CARMIL1: variants seen among roughly 807,000 people sequenced by gnomAD.
The protein encoded by CARMIL1 is F-actin-uncapping protein LRRC16A.
CARMIL1 carries 90 observed loss-of-function variants against 177.1 expected under a neutral mutation model. The ratio of observed to expected loss-of-function variants is 0.51; its 90% confidence interval spans 0.43 to 0.61. CARMIL1 has a LOEUF of 0.61. Among genes scored for constraint, CARMIL1 ranks in the 20% least tolerant of loss-of-function variants. The probability of loss-of-function intolerance (pLI) is 0.00; values close to 1 mark genes in which losing one functional copy is unlikely to be tolerated. For missense variants in CARMIL1, 1,380 were observed against 1,667.0 expected (o/e 0.83, Z 3.00); for synonymous variants, 577 against 606.2 (o/e 0.95, Z 0.71).
At chr6:25,483,681 C>A (rs375735658) in intron 12 of CARMIL1, among the ~76,000 whole-genome samples, 920 of 89,896 alleles carry the variant, frequency 0.01, no homozygotes, top group East Asian at 0.012. Flanking sequence ...ATCTCTGTCT[C>A]AAAAAAAAAA....
chr6:25,549,179 C>G (rs1809816994), intron 26 of CARMIL1, among the ~76,000 whole-genome samples: 1 of 152,198 alleles, frequency 6.6e-6, no homozygotes, highest in Admixed American at 6.5e-5. Flanking sequence ...ACTCACTTAA[C>G]ATTCCACAGA....
rs1264110362 is a variant in CARMIL1 at position 25,600,752 on chromosome 6, G to A, written c.3552+6G>A. 2.0e-6 allele frequency: 3 copies of A among 1,483,016 alleles called. No individual in the cohort carries two copies. Among genetic ancestry groups the A allele is most frequent in the South Asian group, 2.9e-5 (2 of 69,582 alleles). 91.9% of individuals were successfully genotyped at this position (1,483,016 alleles called of 1,614,324 possible). A position where few individuals can be genotyped will look rare whatever the true frequency, so the allele number is the denominator to read the frequency against. On this transcript the variant is annotated splice_donor_region_variant and intron_variant, in intron 33 of 36. Coordinates refer to ENST00000329474, the MANE Select transcript of CARMIL1 (RefSeq NM_017640.6). ...GAGCTGCGTGTGCGCAGAAGGTAAG[G>A]GTGGACCTATTTTTAATTCATTCAT...
Position 25,339,829 on chromosome 6 carries a change from C to T in CARMIL1, c.138+54920C>T, listed in dbSNP as rs867053980. Among the ~76,000 whole-genome samples, 10 of 152,242 alleles carry T rather than the reference C, an allele frequency of 6.6e-5. No homozygotes were observed. In the Middle Eastern group the frequency reaches 0.01, roughly 155 times the overall value. ...CTGTGTTAAGCCTCAATAACCTGTG[C>T]CATTGGGGCCTTTATAAAGATTAAT... On this transcript the variant is annotated intron_variant, in intron 2 of 36. Transcript: ENST00000329474.
At chr6:25,300,261 C>T (rs1364985880) in intron 2 of CARMIL1, among the ~76,000 whole-genome samples, 2 of 152,034 alleles carry the variant, frequency 1.3e-5, no homozygotes, top group Non-Finnish European at 2.9e-5. Flanking sequence ...ATAACAAATC[C>T]CACCACATAG....
chr6:25,472,652 T>A, intron 11 of CARMIL1, 131 bp downstream of exon 11: 1 of 641,936 alleles, frequency 1.6e-6, no homozygotes, highest in Non-Finnish European at 2.7e-6. Context: ...CCTGTTGGCT[T>A]CCAGTTCTTT....
intron 3 of CARMIL1, among the ~76,000 whole-genome samples, chr6:25,425,393 A>C (rs552991026): frequency 8.5e-5 from 13 of 152,304 alleles, no homozygotes; most frequent in African/African-American, 3.1e-4. Context: ...TGAGATGTTT[A>C]ACTGGAGATT....
intron 29 of CARMIL1, among the ~76,000 whole-genome samples, chr6:25,567,987 C>G (rs2151209750): frequency 6.6e-6 from 1 of 152,288 alleles, no homozygotes; most frequent in East Asian, 1.9e-4. Context: ...AAGATTTCTT[C>G]CATCTCTCAG....
intron 29 of CARMIL1, among the ~76,000 whole-genome samples, chr6:25,557,962 A>G (rs1285451635): frequency 6.6e-6 from 1 of 152,198 alleles, no homozygotes; most frequent in Non-Finnish European, 1.5e-5. Context: ...TAATATCACT[A>G]AATAAGGCTG....
chr6:25,546,500 G>A lies in CARMIL1; in HGVS notation c.2329-4410G>A, dbSNP rs142597037. On this transcript the variant is annotated intron_variant, in intron 26 of 36. Coordinates refer to ENST00000329474, the MANE Select transcript of CARMIL1 (RefSeq NM_017640.6). Reference sequence around the variant, plus strand: ...AGATCTTTTGAGCCAAGGAGTTTGAGACCAGCCTGGACAACACAGTGAGAC... The same window carrying A: ...AGATCTTTTGAGCCAAGGAGTTTGAAACCAGCCTGGACAACACAGTGAGAC... 2.0e-5 allele frequency among the ~76,000 whole-genome samples: 3 copies of A among 151,972 alleles called. No individual in the cohort carries two copies. In the East Asian group the frequency reaches 5.8e-4, roughly 29 times the overall value.
At chr6:25,323,440 A>AGG (rs939758639) in intron 2 of CARMIL1, among the ~76,000 whole-genome samples, 2 of 140,876 alleles carry the variant, frequency 1.4e-5, no homozygotes, top group African/African-American at 5.4e-5. Context: ...AAAAAAAAAA[A>AGG]GGCAAAAAAC....
chr6:25,441,798 T>TCTGTGATG (rs1419645409), intron 5 of CARMIL1, among the ~76,000 whole-genome samples: 2 of 152,186 alleles, frequency 1.3e-5, no homozygotes, highest in African/African-American at 2.4e-5. Flanking sequence ...CTCAGGGTTG[T>TCTGTGATG]CTGTGATGGC....
chr6:25,454,253 CTT>C (rs369821157), intron 8 of CARMIL1, among the ~76,000 whole-genome samples: 15 of 151,778 alleles, frequency 9.9e-5, no homozygotes, highest in African/African-American at 3.1e-4. Context: ...ATTTGGAAAA[CTT>C]TTTTTTTGTC....
At chr6:25,439,421 A>G (rs1356061557) in intron 5 of CARMIL1, among the ~76,000 whole-genome samples, 1 of 152,174 alleles carries the variant, frequency 6.6e-6, no homozygotes, top group Non-Finnish European at 1.5e-5. Context: ...ACCTGGAGAA[A>G]GATGTGTAGA....
chr6:25,442,567 T>C (rs1797874024), intron 5 of CARMIL1, among the ~76,000 whole-genome samples: 1 of 152,046 alleles, frequency 6.6e-6, no homozygotes, highest in Non-Finnish European at 1.5e-5. Flanking sequence ...GAAAACAACT[T>C]CTGTAGAGTG....
chr6:25,459,273 T>TCTTTTCTTTTCTTTTCTTTTCTTCTTTC lies in CARMIL1; in HGVS notation c.615-6600_615-6599insCTTTTCTTTTCTTTTCTTTTCTTCTTTC, dbSNP rs1390647134. Reference sequence around the variant, plus strand: ...TTCTTTCTTTCTTTCTTTCTTTTTTTTTTTTTTAAGACAGGGTCTTGCTGT... The same window carrying TCTTTTCTTTTCTTTTCTTTTCTTCTTTC: ...TTCTTTCTTTCTTTCTTTCTTTTTTTCTTTTCTTTTCTTTTCTTTTCTTCTTTCTTTTTTTAAGACAGGGTCTTGCTGT... On this transcript the variant is annotated intron_variant, in intron 8 of 36. Transcript: ENST00000329474. Among the ~76,000 whole-genome samples, 39 of 132,830 alleles carry TCTTTTCTTTTCTTTTCTTTTCTTCTTTC rather than the reference T, an allele frequency of 2.9e-4. 1 individual carries two copies. Among genetic ancestry groups the TCTTTTCTTTTCTTTTCTTTTCTTCTTTC allele is most frequent in the African/African-American group, 1.1e-3 (36 of 33,976 alleles). The allele number at this position is 132,830 out of a possible 152,430, so 87.1% of individuals were successfully genotyped here.
At chr6:25,477,096 A>AAC (rs1554204868) in intron 11 of CARMIL1, among the ~76,000 whole-genome samples, 6 of 151,702 alleles carry the variant, frequency 4.0e-5, no homozygotes, top group African/African-American at 1.2e-4. Flanking sequence ...TCAAAAAAAA[A>AAC]AAAAAACAAA....
At chr6:25,415,341 A>G (rs1795262730) in intron 2 of CARMIL1, among the ~76,000 whole-genome samples, 1 of 151,690 alleles carries the variant, frequency 6.6e-6, no homozygotes, top group African/African-American at 2.4e-5. Flanking sequence ...CTCTTGTTTT[A>G]AATATTCTGA....
At chr6:25,607,544 GT>G (rs1302084874) in intron 35 of CARMIL1, among the ~76,000 whole-genome samples, 1 of 152,126 alleles carries the variant, frequency 6.6e-6, no homozygotes, top group East Asian at 1.9e-4. Flanking sequence ...GCCGCCAGAT[GT>G]TCTGACTCCA....
At chr6:25,604,957 A>G (rs1562333618) in intron 34 of CARMIL1, 64 bp downstream of exon 34, 2 of 1,335,596 alleles carry the variant, frequency 1.5e-6, no homozygotes, top group Non-Finnish European at 2.1e-6. Context: ...GCAGAGTCAC[A>G]TGATTGACAG....
Sources: gnomAD v4.1 joint callset for allele counts (sites outside exome capture counted in the v4.1 genomes callset) on GRCh38, gnomAD v4.1.1 for gene constraint, MANE v1.5 for transcripts, NCBI Gene and HGNC (gene_info 2026-07-23, HGNC 2026-07-21) for gene names.